ARHGAP17: variants seen among roughly 807,000 people sequenced by gnomAD.
ARHGAP17 encodes Rho GTPase activating protein 17, also known as rho GTPase-activating protein 17.
A neutral mutation model predicts 99.5 loss-of-function variants in ARHGAP17; 57 were observed. The ratio of observed to expected loss-of-function variants is 0.57; its 90% CI spans 0.46 to 0.71. The LOEUF is 0.71. Ranked by LOEUF, ARHGAP17 falls within the 30% of genes least tolerant of loss-of-function variation. The probability of loss-of-function intolerance (pLI) is 0.00; values close to 1 mark genes in which losing one functional copy is unlikely to be tolerated. For missense variants in ARHGAP17, 1,000 were observed against 1,122.4 expected (o/e 0.89, Z 1.56); for synonymous variants, 417 against 429.6 (o/e 0.97, Z 0.36).
In ARHGAP17 at chr16:24,931,166, G is replaced by A. The variant is rs1318530007; in HGVS notation, c.2133C>T (p.Pro711=). ...YSSSLSPIQA[P]NHPPPQPPTQ... ...TAGGGGGCTGCGGCGGTGGGTGATTGGGAGCTTGGATTGGAGACAAGCTGC... is the reference window on the plus strand; with the variant it reads ...TAGGGGGCTGCGGCGGTGGGTGATTAGGAGCTTGGATTGGAGACAAGCTGC... The change falls in exon 19 of 20, where the codon CCC becomes CCT. Residue 711 remains proline, a synonymous_variant. Coordinates refer to ENST00000289968, the MANE Select transcript of ARHGAP17 (RefSeq NM_001006634.3). 1 of 1,596,160 alleles carries A rather than the reference G, an allele frequency of 6.3e-7. No homozygotes were observed. Among genetic ancestry groups the A allele is most frequent in the African/African-American group, 1.3e-5 (1 of 74,522 alleles).
chr16:25,002,765 G>A (rs981666229), intron 1 of ARHGAP17, among the ~76,000 whole-genome samples: 2 of 152,118 alleles, frequency 1.3e-5, no homozygotes, highest in South Asian at 2.1e-4. Context: ...CTGGCTGGGC[G>A]CGATGGCTCA....
intron 19 of ARHGAP17, chr16:24,920,470 G>A (rs2050692464): frequency 1.9e-6 from 1 of 535,860 alleles, no homozygotes; most frequent in Admixed American, 3.2e-5. Context: ...TTGCCTCTGG[G>A]CTCCGACGTT....
At chr16:24,935,064 G>C (rs1423118280) in intron 18 of ARHGAP17, among the ~76,000 whole-genome samples, 1 of 152,136 alleles carries the variant, frequency 6.6e-6, no homozygotes, top group African/African-American at 2.4e-5. Flanking sequence ...AGGGAAGACA[G>C]GTGGGAGCAG....
At position 24,943,795 on chromosome 16, in the gene ARHGAP17, G is replaced by T. The variant is rs746629526; in HGVS notation, c.1309C>A (p.His437Asn). The T allele has an allele frequency of 6.2e-7, 1 of 1,614,064 alleles. No individual in the cohort carries two copies. The highest frequency in any genetic ancestry group is 8.5e-7 in the Non-Finnish European group (1 of 1,180,014). ...CCTTCAGGGAAGAACCAGTCGGCATGCTGAATGATGGGTTCAATCACTGCA... is the reference window on the plus strand; with the variant it reads ...CCTTCAGGGAAGAACCAGTCGGCATTCTGAATGATGGGTTCAATCACTGCA... ...VVAVIEPIIQ[H>N]ADWFFPEEVE... The change falls in exon 15 of 20, where the codon CAT becomes AAT. Residue 437 changes from histidine (H) to asparagine (N), a missense_variant. His to Asn is a moderately conservative substitution (Grantham distance 68). Around this residue, in one of 2 missense-constraint regions of ARHGAP17, gnomAD observed 472 missense variants for 611.1 expected, o/e 0.77. Transcript: ENST00000289968.
intron 1 of ARHGAP17, among the ~76,000 whole-genome samples, chr16:24,993,682 T>C (rs1294739047): frequency 6.6e-6 from 1 of 151,968 alleles, no homozygotes; most frequent in Non-Finnish European, 1.5e-5. Flanking sequence ...CAGACACCCA[T>C]TAAGTGAATT....
At chr16:24,960,821 A>T (rs80140154) in intron 7 of ARHGAP17, among the ~76,000 whole-genome samples, 2 of 146,228 alleles carry the variant, frequency 1.4e-5, no homozygotes, top group African/African-American at 2.5e-5. Context: ...GTCTCCAAAG[A>T]AAAAAAAAAA....
At chr16:25,008,319 T>C (rs2053559068) in intron 1 of ARHGAP17, among the ~76,000 whole-genome samples, 1 of 152,236 alleles carries the variant, frequency 6.6e-6, no homozygotes, top group Admixed American at 6.5e-5. Flanking sequence ...TACTAATGTT[T>C]GATTATGGGA....
chr16:24,921,181 C>T (rs1204523687), intron 19 of ARHGAP17, among the ~76,000 whole-genome samples: 1 of 152,214 alleles, frequency 6.6e-6, no homozygotes, highest in African/African-American at 2.4e-5. Flanking sequence ...ACAGGCACAG[C>T]CTCAATGAAG....
At chr16:25,014,981 C>A (rs1424528781) in intron 1 of ARHGAP17, among the ~76,000 whole-genome samples, 1 of 151,380 alleles carries the variant, frequency 6.6e-6, no homozygotes, top group Non-Finnish European at 1.5e-5. Context: ...GCGGCCCTCC[C>A]CTGCAGGTCT....
chr16:25,000,783 T>C (rs936754441), intron 1 of ARHGAP17, among the ~76,000 whole-genome samples: 2 of 152,216 alleles, frequency 1.3e-5, no homozygotes, highest in Non-Finnish European at 2.9e-5. Flanking sequence ...TGTTCCTAAA[T>C]CTAAAGTGCA....
rs1237216324 is a variant in ARHGAP17, at chr16:25,015,307, CG to C, written c.-47del. The C allele has an allele frequency of 5.8e-5, 74 of 1,285,160 alleles. No individual in the cohort carries two copies. The highest frequency in any genetic ancestry group is 6.8e-5 in the Non-Finnish European group (69 of 1,011,576). 79.6% of individuals were successfully genotyped at this position (1,285,160 alleles called of 1,614,324 possible). A position where few individuals can be genotyped will look rare whatever the true frequency, so the allele number is the denominator to read the frequency against. Reference sequence around the variant, plus strand: ...CCCGCGGGGCTCGGGCCGGGCAGGGCGGGGGACAGCCTGGCAGCTACTACAT... The same window carrying C: ...CCCGCGGGGCTCGGGCCGGGCAGGGCGGGGACAGCCTGGCAGCTACTACAT... On this transcript the variant is annotated 5_prime_UTR_variant, in exon 1 of 20. Coordinates refer to ENST00000289968, the MANE Select transcript of ARHGAP17 (RefSeq NM_001006634.3).
intron 9 of ARHGAP17, chr16:24,956,879 T>C (rs1053216888): frequency 1.3e-5 from 2 of 152,236 alleles, no homozygotes; most frequent in African/African-American, 4.8e-5. Flanking sequence ...TGTTTGCCAT[T>C]GGCTTCAGCT....
chr16:24,996,280 A>G (rs1187433990), intron 1 of ARHGAP17, among the ~76,000 whole-genome samples: 1 of 152,206 alleles, frequency 6.6e-6, no homozygotes, highest in East Asian at 1.9e-4. Context: ...ACATGTTATT[A>G]TGATAGTTGT....
chr16:24,969,849 C>T (rs546145471), intron 4 of ARHGAP17, among the ~76,000 whole-genome samples: 2 of 152,230 alleles, frequency 1.3e-5, no homozygotes, highest in East Asian at 3.9e-4. Flanking sequence ...AGCGAGATAA[C>T]TGTAGACGCT....
At chr16:24,930,545 C>T in intron 19 of ARHGAP17, 1 of 760,722 alleles carries the variant, frequency 1.3e-6, no homozygotes, top group South Asian at 1.4e-5. Flanking sequence ...GATCTTTGGT[C>T]ACGACTACCC....
intron 1 of ARHGAP17, among the ~76,000 whole-genome samples, chr16:24,999,268 T>G (rs552255508): frequency 6.6e-4 from 101 of 152,322 alleles, no homozygotes; most frequent in Non-Finnish European, 1.2e-3. Context: ...CTAGAGAGCT[T>G]TATACATTCA....
At chr16:24,947,169 A>G (rs895691786) in intron 14 of ARHGAP17, among the ~76,000 whole-genome samples, 4 of 152,310 alleles carry the variant, frequency 2.6e-5, no homozygotes, top group African/African-American at 9.6e-5. Flanking sequence ...CCCCTCCTAC[A>G]ATATCATATA....
Position 24,939,403 on chromosome 16 carries a change from G to A in ARHGAP17, c.1685C>T (p.Ala562Val), listed in dbSNP as rs140774879. 2.0e-3 allele frequency: 3,269 copies of A among 1,610,448 alleles called. 48 individuals are homozygous for A. In the South Asian group the frequency reaches 0.028, roughly 14 times the overall value. ...GCTCGGCCCCTGCTCCAGTATGCCC[G>A]CGGAAGAGGGGACAGTCCCACCCCC... ...SSGGGTVPSSAGILEQGPSPG... is the reference protein window; with the variant it reads ...SSGGGTVPSSVGILEQGPSPG... The change falls in exon 17 of 20, where the codon GCG (alanine) becomes GTG (valine). Residue 562 changes from alanine to valine, a missense_variant. Physicochemically the swap from Ala to Val is moderately conservative, Grantham distance 64 (BLOSUM62 0). Transcript: ENST00000289968.
rs67952203 is a variant in ARHGAP17, at chr16:24,961,911, TTA to T, written c.574-1934_574-1933del. Among the ~76,000 whole-genome samples the T allele has an allele frequency of 1.4e-3, 178 of 130,010 alleles. 2 individuals are homozygous for T. Among genetic ancestry groups the T allele is most frequent in the African/African-American group, 5.3e-3 (166 of 31,354 alleles). 85.3% of individuals were successfully genotyped at this position (130,010 alleles called of 152,430 possible). ...TCAAATATAAATATACATAGGAATT[TTA>T]TATATATATATATATATGAAAACTT... On this transcript the variant is annotated intron_variant, in intron 7 of 19. Coordinates refer to ENST00000289968, the MANE Select transcript of ARHGAP17 (RefSeq NM_001006634.3).
Sources: gnomAD v4.1 joint callset for allele counts (sites outside exome capture counted in the v4.1 genomes callset) on GRCh38, gnomAD v4.1.1 for gene constraint, gnomAD v4.1.1 regional missense constraint, MANE v1.5 for transcripts, NCBI Gene and HGNC (gene_info 2026-07-23, HGNC 2026-07-21) for gene names.